The following CDH18 variants were observed in gnomAD, a reference collection of about 807,000 sequenced individuals.
CDH18 encodes the protein cadherin-18.
Under a neutral mutation model 67.9 loss-of-function variants are expected in CDH18, and 31 were observed. The observed-to-expected ratio is 0.46, with a 90% CI of 0.34 to 0.62. The LOEUF (loss-of-function observed/expected upper bound fraction) is 0.62. CDH18 is among the 20% of genes least tolerant of loss of function. CDH18 has a pLI of 0.01. For synonymous variants in CDH18, 362 were observed against 347.2 expected (o/e 1.04, Z -0.48); for missense variants, 890 against 975.5 (o/e 0.91, Z 1.17).
At chr5:19,523,919 A>G (rs1456505851) in intron 9 of CDH18, among the ~76,000 whole-genome samples, 2 of 152,254 alleles carry the variant, frequency 1.3e-5, no homozygotes, top group South Asian at 4.1e-4. Context: ...AAAATAAATA[A>G]CAACACAGCC....
chr5:20,270,393 A>G (rs756334852), intron 1 of CDH18, among the ~76,000 whole-genome samples: 2 of 152,170 alleles, frequency 1.3e-5, no homozygotes, highest in Non-Finnish European at 2.9e-5. Context: ...GCTCAATGTC[A>G]CCGATCATTA....
At chr5:20,030,549 C>G (rs1018083523) in intron 2 of CDH18, among the ~76,000 whole-genome samples, 1 of 152,008 alleles carries the variant, frequency 6.6e-6, no homozygotes, top group Non-Finnish European at 1.5e-5. Context: ...GGCCATGATA[C>G]ATTGTGAGAG....
At chr5:20,033,623 C>T (rs1249677476) in intron 2 of CDH18, among the ~76,000 whole-genome samples, 1 of 151,972 alleles carries the variant, frequency 6.6e-6, no homozygotes, top group Non-Finnish European at 1.5e-5. Context: ...AATAGTAGAA[C>T]CAAATAACAA....
At chr5:19,979,447 G>T (rs1043351975) in intron 2 of CDH18, among the ~76,000 whole-genome samples, 9 of 151,744 alleles carry the variant, frequency 5.9e-5, no homozygotes, top group African/African-American at 2.2e-4. Flanking sequence ...TAAAAGTCTG[G>T]GCATAAATCA....
intron 5 of CDH18, among the ~76,000 whole-genome samples, chr5:19,668,361 T>G (rs947901402): frequency 8.2e-6 from 1 of 121,768 alleles, no homozygotes; most frequent in Non-Finnish European, 1.7e-5. Context: ...AGTCTATTAG[T>G]TTCTATGACT....
intron 1 of CDH18, among the ~76,000 whole-genome samples, chr5:20,263,701 A>C (rs1222365414): frequency 4.6e-5 from 7 of 152,328 alleles, no homozygotes; most frequent in African/African-American, 1.7e-4. Flanking sequence ...ATAAAAGTTT[A>C]ATAAGGTAGC....
chr5:19,531,753 G>A (rs998046548), intron 9 of CDH18, among the ~76,000 whole-genome samples: 6 of 152,118 alleles, frequency 3.9e-5, no homozygotes, highest in Non-Finnish European at 7.4e-5. Context: ...CCAACATGGT[G>A]AAAGCCTGTC....
intron 9 of CDH18, among the ~76,000 whole-genome samples, chr5:19,541,682 G>A (rs765694442): frequency 4.6e-5 from 7 of 152,080 alleles, no homozygotes; most frequent in Non-Finnish European, 7.4e-5. Context: ...AAAACCATCA[G>A]ATCTCCTGAG....
chr5:20,235,174 T>C (rs1742377961), intron 2 of CDH18, among the ~76,000 whole-genome samples: 1 of 151,948 alleles, frequency 6.6e-6, no homozygotes, highest in African/African-American at 2.4e-5. Context: ...AATATAAAAA[T>C]CATAGAAGAA....
At chr5:19,721,073 T>C (rs945471319) in intron 5 of CDH18, among the ~76,000 whole-genome samples, 2 of 152,202 alleles carry the variant, frequency 1.3e-5, no homozygotes, top group African/African-American at 4.8e-5. Context: ...ACACAGATTA[T>C]TTATTTAAGT....
chr5:19,872,295 T>A (rs922791212), intron 2 of CDH18, among the ~76,000 whole-genome samples: 2 of 152,186 alleles, frequency 1.3e-5, no homozygotes, highest in African/African-American at 4.8e-5. Flanking sequence ...AACTACATAC[T>A]TGTATATTCT....
intron 2 of CDH18, among the ~76,000 whole-genome samples, chr5:19,853,839 A>G (rs1461001331): frequency 6.6e-6 from 1 of 152,170 alleles, no homozygotes; most frequent in South Asian, 2.1e-4. Flanking sequence ...AAATGCTTAC[A>G]TTGTGTAAAC....
intron 7 of CDH18, among the ~76,000 whole-genome samples, chr5:19,584,805 AAAAAAAAG>A (rs1465896214): frequency 2.7e-5 from 4 of 148,538 alleles, no homozygotes; most frequent in African/African-American, 9.8e-5. Flanking sequence ...AAAAAAAAAA[AAAAAAAAG>A]AAAAAAAGAA....
chr5:19,824,286 G>A (rs1366961059), intron 3 of CDH18, among the ~76,000 whole-genome samples: 3 of 152,144 alleles, frequency 2.0e-5, no homozygotes, highest in East Asian at 3.9e-4. Flanking sequence ...GAGAAACCAC[G>A]TCGGGACCCA....
intron 5 of CDH18, among the ~76,000 whole-genome samples, chr5:19,631,846 T>G (rs1023162155): frequency 2.0e-5 from 3 of 152,142 alleles, no homozygotes; most frequent in African/African-American, 7.2e-5. Context: ...CAATTCCACT[T>G]TTTTTGGTCA....
At chr5:20,018,863 C>T (rs1466657819) in intron 2 of CDH18, among the ~76,000 whole-genome samples, 3 of 141,482 alleles carry the variant, frequency 2.1e-5, no homozygotes, top group African/African-American at 5.5e-5. Context: ...GGCGCGATCT[C>T]GACTCACTGC....
intron 10 of CDH18, among the ~76,000 whole-genome samples, chr5:19,507,515 A>G (rs1033030306): frequency 8.5e-5 from 13 of 152,162 alleles, no homozygotes; most frequent in African/African-American, 3.1e-4. Flanking sequence ...CAAATGTCCA[A>G]CAATGATAGA....
chr5:20,322,969 T>G (rs985284569), intron 1 of CDH18, among the ~76,000 whole-genome samples: 1 of 152,048 alleles, frequency 6.6e-6, no homozygotes, highest in African/African-American at 2.4e-5. Flanking sequence ...AGATAGAATA[T>G]CCTTTGGTGC....
intron 1 of CDH18, among the ~76,000 whole-genome samples, chr5:20,542,886 C>T (rs1320831377): frequency 6.6e-6 from 1 of 151,870 alleles, no homozygotes; most frequent in Non-Finnish European, 1.5e-5. Flanking sequence ...TCTAGTAAGA[C>T]AATCTACAGT....
Sources: allele counts gnomAD v4.1 joint callset (sites outside exome capture counted in the v4.1 genomes callset), GRCh38; gene constraint gnomAD v4.1.1; transcripts MANE v1.5; gene names NCBI Gene and HGNC (gene_info 2026-07-23, HGNC 2026-07-21).